Variants in RANBP2 observed in about 807,000 individuals in gnomAD.
The protein encoded by RANBP2 is E3 SUMO-protein ligase RanBP2.
Under a neutral mutation model 303.6 loss-of-function variants are expected in RANBP2, and 57 were observed. The observed-to-expected ratio is 0.19, with a 90% CI of 0.15 to 0.23. RANBP2 has a LOEUF of 0.23. RANBP2 is among the 10% of genes least tolerant of loss of function. The probability of loss-of-function intolerance (pLI) is 1.00; values close to 1 mark genes in which losing one functional copy is unlikely to be tolerated. For synonymous variants in RANBP2, 1,167 were observed against 1,301.5 expected, an observed-to-expected ratio of 0.90 and a Z score of 2.23; for missense variants, 3,138 against 3,780.8, an observed-to-expected ratio of 0.83 and a Z score of 4.46.
Position 108,764,830 on chromosome 2 carries a change from A to G in RANBP2, c.4291A>G (p.Thr1431Ala), listed in dbSNP as rs778379185. 1.2e-6 allele frequency: 2 copies of G among 1,614,098 alleles called. No homozygotes were observed. The highest frequency in any genetic ancestry group is 2.2e-5 in the South Asian group (2 of 91,086). The change falls in exon 20 of 29, where the codon ACT becomes GCT. Residue 1431 changes from threonine (T) to alanine (A), a missense_variant. By Grantham distance (58) the Thr-to-Ala change is moderately conservative. This residue lies in a region of RANBP2 where 388 missense variants were observed against 328.5 expected (regional missense o/e 1.18). Coordinates refer to ENST00000283195, the MANE Select transcript of RANBP2 (RefSeq NM_006267.5). ...TATTTGTTTAGTAAGAAATGAACCT[A>G]CTGTATCTAGGTGCATTGCGTGTCA... ...CSICLVRNEP[T>A]VSRCIACQNT...
the RANBP2 span, among the ~76,000 whole-genome samples, chr2:109,653,086 C>T: frequency 3.9e-5 from 6 of 152,206 alleles, no homozygotes; most frequent in East Asian, 1.9e-4. Flanking sequence ...TAGGAAGGTG[C>T]CAGTTTGTTC....
chr2:109,633,989 G>A, the RANBP2 span, among the ~76,000 whole-genome samples: 1 of 151,328 alleles, frequency 6.6e-6, no homozygotes, highest in South Asian at 2.1e-4. Context: ...GTGTGGTGGC[G>A]GGCACCTGTA....
At chr2:109,127,279 T>TGAGAGAGAGAGAGAGAGAGAGGGA in the RANBP2 span, 2 of 147,910 alleles carry the variant, frequency 1.4e-5, no homozygotes, top group East Asian at 3.9e-4. Flanking sequence ...CAGTAGGTGA[T>TGAGAGAGAGAGAGAGAGAGAGGGA]GAGAGAGAGA....
At chr2:109,528,847 G>A in the RANBP2 span, among the ~76,000 whole-genome samples, 2 of 152,232 alleles carry the variant, frequency 1.3e-5, no homozygotes, top group Admixed American at 1.3e-4. Context: ...TGTGGTCACA[G>A]GGTCCTTGGA....
chr2:109,463,437 G>A, the RANBP2 span, among the ~76,000 whole-genome samples: 1 of 152,212 alleles, frequency 6.6e-6, no homozygotes, highest in African/African-American at 2.4e-5. Flanking sequence ...AGTTCCCACT[G>A]TAAGGTCCGG....
At chr2:108,751,242 C>G in intron 9 of RANBP2, 22 bp from the exon 10 acceptor site, 2 of 1,611,884 alleles carry the variant, frequency 1.2e-6, no homozygotes, top group Non-Finnish European at 1.7e-6. Context: ...ACCCTTAAGC[C>G]AATTTTTTAA....
the RANBP2 span, among the ~76,000 whole-genome samples, chr2:109,478,318 G>C: frequency 6.6e-6 from 1 of 152,158 alleles, no homozygotes; most frequent in Non-Finnish European, 1.5e-5. Context: ...GATTCCCTAG[G>C]CTGTCTGAAA....
At chr2:109,633,733 G>A in the RANBP2 span, among the ~76,000 whole-genome samples, 1 of 152,172 alleles carries the variant, frequency 6.6e-6, no homozygotes, top group Admixed American at 6.5e-5. Flanking sequence ...CCAGGTAGAG[G>A]ATGAAGCTGG....
chr2:109,601,966 G>C, the RANBP2 span, among the ~76,000 whole-genome samples: 62 of 152,226 alleles, frequency 4.1e-4, 1 homozygote, highest in African/African-American at 1.3e-3. Flanking sequence ...CTTCCCGAGG[G>C]AAAAACCAGG....
At chr2:109,212,631 A>G in the RANBP2 span, among the ~76,000 whole-genome samples, 2 of 152,200 alleles carry the variant, frequency 1.3e-5, no homozygotes, top group Non-Finnish European at 2.9e-5. Context: ...ATCTTTGTCA[A>G]TGTTTCTTCT....
the RANBP2 span, among the ~76,000 whole-genome samples, chr2:109,078,990 CA>C: frequency 1.5e-3 from 219 of 150,454 alleles, no homozygotes; most frequent in Admixed American, 3.2e-3. Context: ...GACTCTGTTT[CA>C]AAAAAAAAGG....
chr2:109,614,039 T>A, the RANBP2 span: 3 of 1,208,884 alleles, frequency 2.5e-6, no homozygotes, highest in Non-Finnish European at 3.1e-6. Context: ...GCGCTGAGCG[T>A]TTTGCCTGCG....
chr2:108,875,186 ACTAGACAAGGAAATAAGAAACAAAG>A, the RANBP2 span, among the ~76,000 whole-genome samples: 265 of 151,930 alleles, frequency 1.7e-3, 9 homozygotes, highest in South Asian at 0.052. Flanking sequence ...TTGTCAAATA[ACTAGACAAGGAAATAAGAAACAAAG>A]CTAGACAAGG....
At chr2:109,419,462 A>G in the RANBP2 span, 1 of 1,421,870 alleles carries the variant, frequency 7.0e-7, no homozygotes, top group South Asian at 1.3e-5. Flanking sequence ...CTGTGGATGC[A>G]GCCTCATTTT....
At chr2:109,507,198 G>A in the RANBP2 span, among the ~76,000 whole-genome samples, 7 of 152,160 alleles carry the variant, frequency 4.6e-5, no homozygotes, top group South Asian at 2.1e-4. Flanking sequence ...CTGCCACGAC[G>A]TCTGTGCTGC....
At chr2:108,954,999 CACAGGA>C in the RANBP2 span, among the ~76,000 whole-genome samples, 1 of 152,044 alleles carries the variant, frequency 6.6e-6, no homozygotes, top group African/African-American at 2.4e-5. Context: ...GATAATCTTA[CACAGGA>C]ACTCCCACCA....
At chr2:109,037,657 T>TAA in the RANBP2 span, among the ~76,000 whole-genome samples, 1 of 152,218 alleles carries the variant, frequency 6.6e-6, no homozygotes, top group Non-Finnish European at 1.5e-5. Context: ...TTCTATATAT[T>TAA]AACAATGAAC....
At chr2:109,330,672 TG>T in the RANBP2 span, among the ~76,000 whole-genome samples, 1 of 152,042 alleles carries the variant, frequency 6.6e-6, no homozygotes. Context: ...TGAGGAGTGA[TG>T]GATGGATGGA....
chr2:108,730,785 C>T lies in RANBP2; in HGVS notation c.152C>T (p.Thr51Ile). ...EYDLAKKYICTYINVQERDPK... is the reference protein window; with the variant it reads ...EYDLAKKYICIYINVQERDPK... ...CTTTTAAAAAACAGATACATATGTA[C>T]TTACATTAATGTGCAAGAGAGGGAT... The change falls in exon 3 of 29, where the codon ACT becomes ATT. Residue 51 changes from threonine to isoleucine, a missense_variant. Coordinates refer to ENST00000283195, the MANE Select transcript of RANBP2 (RefSeq NM_006267.5). 6.2e-7 allele frequency: 1 copy of T among 1,611,486 alleles called. No individual in the cohort carries two copies. Among genetic ancestry groups the T allele is most frequent in the South Asian group, 1.1e-5 (1 of 90,972 alleles).
Sources: gnomAD v4.1 joint callset for allele counts (sites outside exome capture counted in the v4.1 genomes callset) on GRCh38, gnomAD v4.1.1 for gene constraint, gnomAD v4.1.1 regional missense constraint, MANE v1.5 for transcripts, NCBI Gene and HGNC (gene_info 2026-07-23, HGNC 2026-07-21) for gene names.